Variants in KLK2 observed in about 807,000 individuals in gnomAD.
The protein encoded by KLK2 is kallikrein related peptidase 2.
KLK2 carries 17 observed loss-of-function variants against 23.0 expected under a neutral mutation model. That is an observed-to-expected ratio of 0.74 (90% confidence interval 0.51 to 1.11). The LOEUF (loss-of-function observed/expected upper bound fraction) is 1.11, where lower values mean the gene tolerates loss of function less well. Ranked by LOEUF, KLK2 falls within the 50% of genes least tolerant of loss-of-function variation. KLK2 has a pLI of 0.00. For synonymous variants in KLK2, 140 were observed against 124.7 expected (o/e 1.12, Z -0.82); for missense variants, 330 against 325.9 (o/e 1.01, Z -0.10).
chr19:50,877,235 C>A, intron 4 of KLK2: 1 of 598,852 alleles, frequency 1.7e-6, no homozygotes. Flanking sequence ...TGAGCACATG[C>A]TTACTGGGCA....
intron 2 of KLK2, 109 bp from the exon 3 acceptor site, chr19:50,876,363 T>G: frequency 1.0e-6 from 1 of 980,100 alleles, no homozygotes; most frequent in Non-Finnish European, 1.5e-6. Context: ...CCCCTGTGCT[T>G]TTCTCACTGT....
intron 2 of KLK2, 176 bp downstream of exon 2, chr19:50,875,056 T>C: frequency 7.9e-7 from 1 of 1,258,036 alleles, no homozygotes; most frequent in Non-Finnish European, 1.0e-6. Flanking sequence ...TCCCCATGGC[T>C]GCCTGGGTTT....
chr19:50,873,571 A>G (rs756208467), intron 1 of KLK2, 52 bp downstream of exon 1: 1 of 1,366,530 alleles, frequency 7.3e-7, no homozygotes, highest in East Asian at 2.4e-5. Flanking sequence ...CTTATGCTGA[A>G]GCCCTTTTCC....
rs1275244961 is a variant in KLK2 at position 50,876,853 on chromosome 19, G to A, written c.494-19G>A. The A allele has an allele frequency of 1.2e-6, 2 of 1,612,884 alleles. No homozygotes were observed. The highest frequency in any genetic ancestry group is 3.3e-5 in the Admixed American group (2 of 59,954). ...CCAGGTGGGGTCCGGCCACAGCCCA[G>A]TTTTTCTCTGACCCATAGTCTTGCG... On this transcript the variant is annotated intron_variant, in intron 3 of 4. Transcript: ENST00000325321.
Position 50,878,667 on chromosome 19 carries a change from C to T in KLK2, c.*108C>T, listed in dbSNP as rs1015597146. 88 of 1,152,578 alleles carry T rather than the reference C, an allele frequency of 7.6e-5. 1 individual carries two copies. The highest frequency in any genetic ancestry group is 6.1e-4 in the Middle Eastern group (3 of 4,958). 71.4% of individuals were successfully genotyped at this position (1,152,578 alleles called of 1,614,324 possible). On this transcript the variant is annotated 3_prime_UTR_variant, in exon 5 of 5. Coordinates refer to ENST00000325321, the MANE Select transcript of KLK2 (RefSeq NM_005551.5). ...ACCTGAAGCTTGGAACTCACCTGGC[C>T]GAAGCTCGAGCCTCCTGAGTCCTAC...
In KLK2 at chr19:50,876,669, T is replaced by C. The variant is rs1165601712; in HGVS notation, c.404T>C (p.Val135Ala). 2 of 1,614,074 alleles carry C rather than the reference T, an allele frequency of 1.2e-6. No homozygotes were observed. The highest frequency in any genetic ancestry group is 1.7e-6 in the Non-Finnish European group (2 of 1,180,036). Residue 135 changes from valine (V) to alanine (A), a missense_variant, in exon 3 of 5, where the codon GTT (valine) becomes GCT (alanine). Physicochemically the swap from Val to Ala is moderately conservative, Grantham distance 64. Transcript: ENST00000325321. The part of the protein sequence containing the change: ...RLSEPAKITD[V>A]VKVLGLPTQE... ...TCAGAGCCTGCCAAGATCACAGATGTTGTGAAGGTCCTGGGCCTGCCCACC... is the reference window on the plus strand; with the variant it reads ...TCAGAGCCTGCCAAGATCACAGATGCTGTGAAGGTCCTGGGCCTGCCCACC...
Position 50,875,052 on chromosome 19 carries a change from TG to T in KLK2, c.206+174del, listed in dbSNP as rs1351750751. 6.2e-6 allele frequency: 8 copies of T among 1,285,172 alleles called. No homozygotes were observed. The African/African-American group carries it at 1.2e-4, about 19-fold the overall frequency. The allele number at this position is 1,285,172 out of a possible 1,614,324, so 79.6% of individuals were successfully genotyped here. ...AGCTGGGGCTGGACCACTCTCCCCATGGCTGCCTGGGTTTCTCTCTGTGTCT... is the reference window on the plus strand; with the variant it reads ...AGCTGGGGCTGGACCACTCTCCCCATGCTGCCTGGGTTTCTCTCTGTGTCT... On this transcript the variant is annotated intron_variant, in intron 2 of 4. Coordinates refer to ENST00000325321, the MANE Select transcript of KLK2 (RefSeq NM_005551.5).
At position 50,876,599 on chromosome 19, in the gene KLK2, A is replaced by C; in HGVS notation, c.334A>C (p.Arg112=). Residue 112 remains arginine, a synonymous_variant, in exon 3 of 5, where the codon AGA becomes CGA. Transcript: ENST00000325321. The part of the protein sequence containing the change: ...NMSLLKHQSL[R]PDEDSSHDLM... The stretch of plus-strand genomic sequence containing the variant: ...GAGCCTTCTGAAGCATCAAAGCCTT[A>C]GACCAGATGAAGACTCCAGCCATGA... 1 of 1,614,224 alleles carries C rather than the reference A, an allele frequency of 6.2e-7. No individual in the cohort carries two copies.
At position 50,878,558 on chromosome 19, in the gene KLK2, G is replaced by A. The variant is rs1042761457; in HGVS notation, c.785G>A (p.Ter262=). The part of the protein sequence containing the change: ...WIKDTIAANP[*] ...AAGGACACCATCGCAGCCAACCCCT[G>A]AGTGCCCCTGTCCCACCCCTACCTC... The change falls in exon 5 of 5, where the codon TGA becomes TAA. Residue 262 remains the stop codon, a stop_retained_variant. Transcript: ENST00000325321. The A allele has an allele frequency of 8.1e-6, 13 of 1,612,506 alleles. No homozygotes were observed. In the African/African-American group the frequency reaches 1.6e-4, roughly 20 times the overall value.
intron 4 of KLK2, chr19:50,877,665 C>T (rs2090303345): frequency 6.4e-6 from 1 of 156,668 alleles, no homozygotes; most frequent in South Asian, 2.0e-4. Context: ...CCTGCAGGGC[C>T]TCACCTGGGC....
chr19:50,874,379 T>C (rs1240398904), intron 1 of KLK2: 1 of 199,192 alleles, frequency 5.0e-6, no homozygotes, highest in Non-Finnish European at 1.0e-5. Context: ...AACCCACAGC[T>C]GCCACCACAG....
rs776935345 is a variant in KLK2 at position 50,879,335 on chromosome 19, C to T, written c.*776C>T. The T allele has an allele frequency of 1.7e-5, 4 of 232,274 alleles. No homozygotes were observed. The highest frequency in any genetic ancestry group is 6.1e-5 in the East Asian group (1 of 16,454). The allele number at this position is 232,274 out of a possible 1,614,324, so 14.4% of individuals were successfully genotyped here. On this transcript the variant is annotated 3_prime_UTR_variant, in exon 5 of 5. Coordinates refer to ENST00000325321, the MANE Select transcript of KLK2 (RefSeq NM_005551.5). ...GAAAACAGAGGAAAACTTGCAGTTA[C>T]GAAGACTGGCAACTTGGCTTTACTA...
At chr19:50,875,691 A>C (rs535754973) in intron 2 of KLK2, 1 of 152,658 alleles carries the variant, frequency 6.6e-6, no homozygotes, top group Admixed American at 6.5e-5. Flanking sequence ...CCCAATTACT[A>C]GGGAGGCTGA....
Position 50,873,754 on chromosome 19 carries a change from T to A in KLK2, c.46+235T>A, listed in dbSNP as rs534119397. 2.7e-4 allele frequency: 144 copies of A among 536,316 alleles called. 3 individuals carry two copies. The South Asian group carries it at 3.8e-3, about 14-fold the overall frequency. The allele number at this position is 536,316 out of a possible 1,614,324, so 33.2% of individuals were successfully genotyped here. A position where few individuals can be genotyped will look rare whatever the true frequency, so the allele number is the denominator to read the frequency against. On this transcript the variant is annotated intron_variant, in intron 1 of 4. Transcript: ENST00000325321. ...AGCCAAATCCCTGCTCCCAGCTGCT[T>A]TACTAAAGAGCAAGTTCCTGGGCAT...
chr19:50,876,560 C>G lies in KLK2; in HGVS notation c.295C>G (p.Pro99Ala). ...CCCTGTCAGCCACAGCTTCCCACAC[C>G]CGCTCTACAATATGAGCCTTCTGAA... ...RVPVSHSFPH[P>A]LYNMSLLKHQ... The change falls in exon 3 of 5, where the codon CCG (proline) becomes GCG (alanine). Residue 99 changes from proline to alanine, a missense_variant. Transcript: ENST00000325321. 1.2e-6 allele frequency: 2 copies of G among 1,614,196 alleles called. No individual in the cohort carries two copies. The highest frequency in any genetic ancestry group is 1.3e-5 in the African/African-American group (1 of 75,046).
rs1600011711 is a variant in KLK2, at chr19:50,874,550, T to C, written c.47-171T>C. 12 of 558,642 alleles carry C rather than the reference T, an allele frequency of 2.1e-5. No individual in the cohort carries two copies. The East Asian group carries it at 3.7e-4, about 17-fold the overall frequency. 34.6% of individuals were successfully genotyped at this position (558,642 alleles called of 1,614,324 possible). A position where few individuals can be genotyped will look rare whatever the true frequency, so the allele number is the denominator to read the frequency against. On this transcript the variant is annotated intron_variant, in intron 1 of 4. Coordinates refer to ENST00000325321, the MANE Select transcript of KLK2 (RefSeq NM_005551.5). ...CGACCTGGTCCAGCCACCAACCCGC[T>C]AACGCAGGGAATAGCTACAGAATTG...
At chr19:50,873,606 C>A in intron 1 of KLK2, 87 bp downstream of exon 1, 1 of 930,494 alleles carries the variant, frequency 1.1e-6, no homozygotes, top group Admixed American at 2.2e-5. Context: ...CCAGCCTCGT[C>A]CCTTCAGCCC....
At chr19:50,877,598 A>C (rs1293026261) in intron 4 of KLK2, 1 of 160,828 alleles carries the variant, frequency 6.2e-6, no homozygotes, top group Non-Finnish European at 1.4e-5. Flanking sequence ...GCATGGCTGG[A>C]GTGAGGGATC....
intron 2 of KLK2, 67 bp downstream of exon 2, chr19:50,874,947 C>T (rs1350411928): frequency 1.9e-6 from 3 of 1,540,858 alleles, no homozygotes; most frequent in Non-Finnish European, 1.7e-6. Context: ...CGGGATGCTT[C>T]CCCCAGGGTC....
Sources: allele counts gnomAD v4.1 joint callset, GRCh38; gene constraint gnomAD v4.1.1; transcripts MANE v1.5; gene names NCBI Gene and HGNC (gene_info 2026-07-23, HGNC 2026-07-21).